NPAS2: variants seen among roughly 807,000 people sequenced by gnomAD.
NPAS2 encodes the protein neuronal PAS domain-containing protein 2.
A neutral mutation model predicts 107.5 loss-of-function variants in NPAS2; 23 were observed. The ratio of observed to expected loss-of-function variants is 0.21; its 90% confidence interval spans 0.15 to 0.30. NPAS2 has a LOEUF of 0.30. Ranked by LOEUF, NPAS2 falls within the 10% of genes least tolerant of loss-of-function variation. NPAS2 has a pLI of 1.00. For synonymous variants in NPAS2, 403 were observed against 417.5 expected (o/e 0.97, Z 0.42); for missense variants, 756 against 1,043.3 (o/e 0.72, Z 3.79).
intron 11 of NPAS2, 121 bp from the exon 12 acceptor site, chr2:100,970,869 G>T: frequency 1.3e-6 from 1 of 756,214 alleles, no homozygotes. Flanking sequence ...CCTCTGTGTT[G>T]ACTGTTGTGG....
intron 7 of NPAS2, among the ~76,000 whole-genome samples, chr2:100,956,180 A>G (rs899978700): frequency 1.3e-5 from 2 of 152,210 alleles, no homozygotes; most frequent in Non-Finnish European, 2.9e-5. Context: ...TGCTGGGATT[A>G]CAGGCACAAG....
chr2:100,977,766 CG>C lies in NPAS2; in HGVS notation c.1450del (p.Val484PhefsTer26). ...TCACACAGCAGCTCCTGCCTCAGAC[CG>C]TTCTGCAGAGCACGCCCGCTCCCAT... The part of the protein sequence containing the change: ...DLTQQLLPQT[V>X]LQSTPAPMAQ... On this transcript the variant is annotated frameshift_variant, in exon 15 of 21. Coordinates refer to ENST00000335681, the MANE Select transcript of NPAS2 (RefSeq NM_002518.4). LOFTEE classifies it high-confidence loss of function. The C allele has an allele frequency of 6.2e-7, 1 of 1,614,196 alleles. No individual in the cohort carries two copies. Among genetic ancestry groups the C allele is most frequent in the Non-Finnish European group, 8.5e-7 (1 of 1,180,046 alleles).
intron 3 of NPAS2, among the ~76,000 whole-genome samples, chr2:100,929,550 G>A (rs776648432): frequency 3.0e-4 from 45 of 152,188 alleles, no homozygotes; most frequent in African/African-American, 9.2e-4. Flanking sequence ...CTAGGGGTGG[G>A]ACCACAATGG....
chr2:100,980,910 A>G (rs1392181446), intron 15 of NPAS2, among the ~76,000 whole-genome samples: 1 of 151,932 alleles, frequency 6.6e-6, no homozygotes, highest in Non-Finnish European at 1.5e-5. Context: ...AAGACTTGGG[A>G]TTTACATGTT....
intron 1 of NPAS2, among the ~76,000 whole-genome samples, chr2:100,845,921 T>G (rs1347343526): frequency 1.3e-5 from 2 of 152,224 alleles, no homozygotes; most frequent in Admixed American, 1.3e-4. Context: ...CAGGAATGGA[T>G]TATTCCAAAC....
chr2:100,819,210 G>A (rs1275327145), upstream of NPAS2, among the ~76,000 whole-genome samples: 1 of 151,974 alleles, frequency 6.6e-6, no homozygotes, highest in East Asian at 1.9e-4. The surrounding 1 kb of genome is among the most constrained non-coding windows in gnomAD (Gnocchi z 5.8). Flanking sequence ...AACATTTCCT[G>A]CACTGGTGCA....
chr2:100,892,436 C>T (rs1348445586), intron 1 of NPAS2, among the ~76,000 whole-genome samples: 1 of 151,960 alleles, frequency 6.6e-6, no homozygotes, highest in Non-Finnish European at 1.5e-5. Context: ...TTTAGACACT[C>T]ATGGTAGCGT....
At chr2:100,947,421 A>G (rs1476309968) in intron 5 of NPAS2, among the ~76,000 whole-genome samples, 1 of 152,002 alleles carries the variant, frequency 6.6e-6, no homozygotes, top group Non-Finnish European at 1.5e-5. Context: ...CATGGTGGCA[A>G]ACACCTGTAG....
chr2:100,918,416 A>T (rs1474023704), intron 2 of NPAS2, among the ~76,000 whole-genome samples: 16 of 152,176 alleles, frequency 1.1e-4, no homozygotes. Context: ...ACCTCATCAA[A>T]ATTAAAAACT....
chr2:100,884,170 CTTTTGTGTGAAACCCCTA>C (rs1219818582), intron 1 of NPAS2, among the ~76,000 whole-genome samples: 10 of 152,116 alleles, frequency 6.6e-5, no homozygotes, highest in Non-Finnish European at 1.2e-4. Flanking sequence ...AAGCTGCTTG[CTTTTGTGTGAAACCCCTA>C]TATTTGTCAG....
At chr2:100,935,126 AAGCTGGTAAAGTATC>A in intron 4 of NPAS2, 1 of 981,114 alleles carries the variant, frequency 1.0e-6, no homozygotes, top group Non-Finnish European at 1.2e-6. Context: ...CAGACCAGCC[AAGCTGGTAAAGTATC>A]AGCTGGCAAA....
chr2:100,934,268 C>T (rs941740983), intron 4 of NPAS2: 6 of 151,326 alleles, frequency 4.0e-5, no homozygotes, highest in African/African-American at 1.5e-4. Flanking sequence ...AGTTAAAACA[C>T]ATAACCCTAT....
chr2:100,876,133 G>T (rs748676760), intron 1 of NPAS2, among the ~76,000 whole-genome samples: 1 of 152,058 alleles, frequency 6.6e-6, no homozygotes, highest in Non-Finnish European at 1.5e-5. Flanking sequence ...GCTGACATCA[G>T]ACAGAGACTT....
chr2:100,935,435 G>A (rs182967048), intron 4 of NPAS2, among the ~76,000 whole-genome samples: 8 of 152,252 alleles, frequency 5.3e-5, no homozygotes, highest in Non-Finnish European at 7.4e-5. Context: ...CATGGATAGG[G>A]GCACAGCACT....
intron 1 of NPAS2, among the ~76,000 whole-genome samples, chr2:100,883,967 T>G (rs917805193): frequency 6.6e-6 from 1 of 152,082 alleles, no homozygotes; most frequent in South Asian, 2.1e-4. Context: ...TGAAGCATCT[T>G]GTGAGTTTGT....
rs529268703 is a variant in NPAS2 at position 100,937,647 on chromosome 2, G to A, written c.274-106G>A. 2.4e-5 allele frequency: 20 copies of A among 821,008 alleles called. No individual in the cohort carries two copies. The Admixed American group carries it at 2.8e-4, about 11-fold the overall frequency. The allele number at this position is 821,008 out of a possible 1,614,324, so 50.9% of individuals were successfully genotyped here. On this transcript the variant is annotated intron_variant, in intron 4 of 20. Transcript: ENST00000335681. Reference sequence around the variant, plus strand: ...AGGTTATTCATGGAAATATTCTGAGGATTATAAAACAAAGCCAGTGTCCTA... The same window carrying A: ...AGGTTATTCATGGAAATATTCTGAGAATTATAAAACAAAGCCAGTGTCCTA...
chr2:100,937,205 G>A (rs969078905), intron 4 of NPAS2, among the ~76,000 whole-genome samples: 1 of 151,916 alleles, frequency 6.6e-6, no homozygotes, highest in African/African-American at 2.4e-5. Context: ...GTAGAGTAAT[G>A]TGAATGTTCT....
chr2:100,958,306 A>AT (rs1675701361), intron 7 of NPAS2, among the ~76,000 whole-genome samples: 1 of 152,176 alleles, frequency 6.6e-6, no homozygotes, highest in African/African-American at 2.4e-5. Flanking sequence ...AGGTTGCCTC[A>AT]TTTTATGGCT....
rs1678431210 is a variant in NPAS2 at position 100,996,104 on chromosome 2, G to T, written c.*522G>T. 1.9e-6 allele frequency: 1 copy of T among 535,926 alleles called. No individual in the cohort carries two copies. The highest frequency in any genetic ancestry group is 3.2e-5 in the South Asian group (1 of 30,828). 33.2% of individuals were successfully genotyped at this position (535,926 alleles called of 1,614,324 possible). A position where few individuals can be genotyped will look rare whatever the true frequency, so the allele number is the denominator to read the frequency against. ...ACAGCTACACAGAGGAAATAACTTA[G>T]GCACTTTCTGTTTTTTTTAAAAAAA... is the stretch of plus-strand genomic sequence containing the variant. On this transcript the variant is annotated 3_prime_UTR_variant, in exon 21 of 21. Coordinates refer to ENST00000335681, the MANE Select transcript of NPAS2 (RefSeq NM_002518.4).
Sources: gnomAD v4.1 joint callset for allele counts (sites outside exome capture counted in the v4.1 genomes callset) on GRCh38, gnomAD v4.1.1 for gene constraint, Gnocchi (gnomAD v3.1) non-coding constraint, MANE v1.5 for transcripts, NCBI Gene and HGNC (gene_info 2026-07-23, HGNC 2026-07-21) for gene names.